The following WIPF1 variants were observed in gnomAD, a reference collection of about 807,000 sequenced individuals.
WIPF1 encodes the protein WAS/WASL interacting protein family member 1.
Under a neutral mutation model 35.4 loss-of-function variants are expected in WIPF1, and 13 were observed. That is an observed-to-expected ratio of 0.37 (90% confidence interval 0.24 to 0.58). WIPF1 has a LOEUF of 0.58. Ranked by LOEUF, WIPF1 falls within the 20% of genes least tolerant of loss-of-function variation. The pLI is 0.74. For synonymous variants in WIPF1, 267 were observed against 266.3 expected (o/e 1.00, Z -0.02); for missense variants, 591 against 667.0 (o/e 0.89, Z 1.25).
At chr2:174,606,148 G>T (rs1686156003) in intron 1 of WIPF1, among the ~76,000 whole-genome samples, 1 of 152,042 alleles carries the variant, frequency 6.6e-6, no homozygotes, top group African/African-American at 2.4e-5. Context: ...ACCAACAAAA[G>T]AACAGACCCT....
rs755670819 is a variant in WIPF1, at chr2:174,575,283, T to G, written c.279A>C (p.Gly93=). Reference sequence around the variant, plus strand: ...CTCCCAGACCTGGAGGTCCGCCCCCTCCAAAACTTCCACCGCCTCCGCCAC... The same window carrying G: ...CTCCCAGACCTGGAGGTCCGCCCCCGCCAAAACTTCCACCGCCTCCGCCAC... ...GGGGGGGGSF[G]GGGPPGLGGL... is the part of the protein sequence containing the mutation. Residue 93 remains glycine, a synonymous_variant, in exon 4 of 8, where the codon GGA becomes GGC. Transcript: ENST00000679041. 23 of 1,613,692 alleles carry G rather than the reference T, an allele frequency of 1.4e-5. No homozygotes were observed. The South Asian group carries it at 2.5e-4, about 18-fold the overall frequency.
intron 1 of WIPF1, chr2:174,676,645 C>T (rs1688138256): frequency 6.6e-6 from 1 of 151,880 alleles, no homozygotes; most frequent in African/African-American, 2.4e-5. Context: ...TCTTCTCAGC[C>T]AAAGCAAGGG....
chr2:174,589,789 C>T (rs1289828600), intron 1 of WIPF1, among the ~76,000 whole-genome samples: 2 of 152,192 alleles, frequency 1.3e-5, no homozygotes. Flanking sequence ...CAACAATTTT[C>T]AACATGCTGG....
chr2:174,682,604 G>A (rs1688276632), intron 1 of WIPF1, among the ~76,000 whole-genome samples: 2 of 150,412 alleles, frequency 1.3e-5, no homozygotes, highest in East Asian at 4.0e-4. Flanking sequence ...GCGCGCCCGC[G>A]CCCACCGCTC....
chr2:174,663,121 A>G (rs991819347), intron 1 of WIPF1, among the ~76,000 whole-genome samples: 1 of 152,200 alleles, frequency 6.6e-6, no homozygotes, highest in African/African-American at 2.4e-5. Flanking sequence ...AGGGTGGGAG[A>G]AAATAAGGTC....
intron 1 of WIPF1, among the ~76,000 whole-genome samples, chr2:174,666,602 T>C (rs540911259): frequency 2.0e-5 from 3 of 152,376 alleles, no homozygotes; most frequent in African/African-American, 4.8e-5. Flanking sequence ...AAGCCCATTC[T>C]GCACCCAGCT....
At chr2:174,592,028 G>C (rs781633212) in intron 1 of WIPF1, among the ~76,000 whole-genome samples, 7 of 152,194 alleles carry the variant, frequency 4.6e-5, no homozygotes, top group African/African-American at 1.2e-4. Flanking sequence ...CGTGCCCCAG[G>C]AAACTCAGGG....
At chr2:174,677,933 C>T (rs1317563849) in intron 1 of WIPF1, among the ~76,000 whole-genome samples, 1 of 152,216 alleles carries the variant, frequency 6.6e-6, no homozygotes, top group Non-Finnish European at 1.5e-5. Flanking sequence ...TGAATACTAG[C>T]TCTGTCACTA....
intron 1 of WIPF1, among the ~76,000 whole-genome samples, chr2:174,652,571 A>G (rs1038132678): frequency 1.3e-5 from 2 of 152,314 alleles, no homozygotes; most frequent in East Asian, 3.9e-4. Context: ...CTATATAGCA[A>G]TCAGATGCCC....
At chr2:174,574,456 T>C (rs1684980153) in intron 4 of WIPF1, among the ~76,000 whole-genome samples, 1 of 152,234 alleles carries the variant, frequency 6.6e-6, no homozygotes, top group Admixed American at 6.5e-5. Context: ...GAGAGTTTCA[T>C]TCTTTCCCAG....
At chr2:174,671,967 C>T (rs1045718315) in intron 1 of WIPF1, among the ~76,000 whole-genome samples, 34 of 152,122 alleles carry the variant, frequency 2.2e-4, no homozygotes, top group Non-Finnish European at 4.7e-4. Context: ...TGACCCACAC[C>T]CTATTTGTAC....
chr2:174,634,163 A>C (rs552693324), intron 1 of WIPF1, among the ~76,000 whole-genome samples: 1 of 152,348 alleles, frequency 6.6e-6, no homozygotes, highest in East Asian at 1.9e-4. Flanking sequence ...AGATGTCTGC[A>C]AACACAGGCT....
chr2:174,577,944 G>A (rs779049502), intron 3 of WIPF1, among the ~76,000 whole-genome samples: 1 of 151,244 alleles, frequency 6.6e-6, no homozygotes, highest in Non-Finnish European at 1.5e-5. Context: ...GATAAACCCT[G>A]GTGTTGGTGA....
chr2:174,674,943 C>T (rs952266803), intron 1 of WIPF1, among the ~76,000 whole-genome samples: 1 of 148,424 alleles, frequency 6.7e-6, no homozygotes, highest in Admixed American at 6.6e-5. Flanking sequence ...CACACACACA[C>T]ACACAGATGT....
At chr2:174,659,683 G>C (rs1313410797) in intron 1 of WIPF1, among the ~76,000 whole-genome samples, 1 of 152,150 alleles carries the variant, frequency 6.6e-6, no homozygotes, top group East Asian at 1.9e-4. Context: ...GACTCATCCA[G>C]GATCACATTA....
chr2:174,564,248 C>T (rs1385208040), intron 7 of WIPF1, among the ~76,000 whole-genome samples: 2 of 152,154 alleles, frequency 1.3e-5, no homozygotes, highest in African/African-American at 4.8e-5. Flanking sequence ...AAATATTAAA[C>T]ATGCCTAATG....
At chr2:174,570,375 G>A (rs1684789263) in intron 5 of WIPF1, 2 of 152,224 alleles carry the variant, frequency 1.3e-5, no homozygotes, top group Admixed American at 1.3e-4. Context: ...AGTGGTGGTA[G>A]AAGGATTAAT....
chr2:174,657,910 CAAAAAAAA>C (rs56717056), intron 1 of WIPF1, among the ~76,000 whole-genome samples: 22 of 96,014 alleles, frequency 2.3e-4, no homozygotes, highest in African/African-American at 7.2e-4. Context: ...AACTCTGTCT[CAAAAAAAA>C]AAAAAAAAAA....
At chr2:174,579,765 C>A (rs79440986) in intron 3 of WIPF1, among the ~76,000 whole-genome samples, 1,902 of 152,324 alleles carry the variant, frequency 0.012, 44 homozygotes, top group African/African-American at 0.044. Flanking sequence ...CTCCCTCTTG[C>A]AGTGAGGAGA....
Sources: allele counts gnomAD v4.1 joint callset (sites outside exome capture counted in the v4.1 genomes callset), GRCh38; gene constraint gnomAD v4.1.1; transcripts MANE v1.5; gene names NCBI Gene and HGNC (gene_info 2026-07-23, HGNC 2026-07-21).